The following CDC42BPB variants were observed in gnomAD, a reference collection of about 807,000 sequenced individuals.
CDC42BPB encodes the protein CDC42 binding protein kinase beta.
Under a neutral mutation model 214.9 loss-of-function variants are expected in CDC42BPB, and 37 were observed. That is an observed-to-expected ratio of 0.17 (90% CI 0.13 to 0.23). The LOEUF is 0.23. Among genes scored for constraint, CDC42BPB ranks in the 10% least tolerant of loss-of-function variants. The pLI is 1.00. For synonymous variants in CDC42BPB, 931 were observed against 884.0 expected (o/e 1.05, Z -0.94); for missense variants, 1,694 against 2,227.0 (o/e 0.76, Z 4.82).
intron 3 of CDC42BPB, 120 bp downstream of exon 3, chr14:103,008,352 T>TC: frequency 1.4e-6 from 1 of 708,246 alleles, no homozygotes; most frequent in Non-Finnish European, 2.6e-6. Flanking sequence ...GCTCGCTCTG[T>TC]CCGGGGGGCA....
chr14:102,950,337 A>C, intron 25 of CDC42BPB, 129 bp downstream of exon 25: 1 of 1,264,020 alleles, frequency 7.9e-7, no homozygotes, highest in Non-Finnish European at 1.1e-6. Context: ...CAGGAGGGTA[A>C]GCCCCCTAGG....
chr14:102,959,715 A>C lies in CDC42BPB; in HGVS notation c.2822-5T>G. The C allele has an allele frequency of 6.2e-7, 1 of 1,609,476 alleles. No homozygotes were observed. Among genetic ancestry groups the C allele is most frequent in the African/African-American group, 1.3e-5 (1 of 74,870 alleles). The stretch of plus-strand genomic sequence containing the variant: ...GAAAATCTGGAAGTTTGAGCCCTGC[A>C]AAAAGAAACAAAGAATAGTCAAGGC... On this transcript the variant is annotated splice_polypyrimidine_tract_variant and splice_region_variant and intron_variant, in intron 20 of 36. Transcript: ENST00000361246.
intron 5 of CDC42BPB, among the ~76,000 whole-genome samples, chr14:102,992,337 G>A (rs1357188268): frequency 6.6e-6 from 1 of 152,204 alleles, no homozygotes; most frequent in Non-Finnish European, 1.5e-5. Flanking sequence ...ACAGATAACA[G>A]TGATTTAAAG....
At chr14:103,028,778 C>T (rs1887188517) in intron 1 of CDC42BPB, among the ~76,000 whole-genome samples, 1 of 152,212 alleles carries the variant, frequency 6.6e-6, no homozygotes, top group African/African-American at 2.4e-5. Flanking sequence ...GCAATTCTCC[C>T]TTAATAGGGC....
chr14:103,000,523 C>T (rs906419031), intron 4 of CDC42BPB, among the ~76,000 whole-genome samples: 1 of 152,250 alleles, frequency 6.6e-6, no homozygotes, highest in Admixed American at 6.5e-5. Flanking sequence ...TGGCAGCCAA[C>T]ACCTCCATCT....
rs1026584282 is a variant in CDC42BPB at position 102,970,523 on chromosome 14, T to C, written c.1885-262A>G. 3 of 266,430 alleles carry C rather than the reference T, an allele frequency of 1.1e-5. 1 individual carries two copies. The highest frequency in any genetic ancestry group is 1.7e-5 in the Non-Finnish European group (3 of 172,700). The allele number at this position is 266,430 out of a possible 1,614,324, so 16.5% of individuals were successfully genotyped here. A position where few individuals can be genotyped will look rare whatever the true frequency, so the allele number is the denominator to read the frequency against. On this transcript the variant is annotated intron_variant, in intron 13 of 36. Transcript: ENST00000361246. ...AAGAAAGGATACATTTCTTGAAATT[T>C]AAATTTCACTGATTCGTGAAAACCA...
At chr14:103,049,797 T>A (rs1424192165) in intron 1 of CDC42BPB, among the ~76,000 whole-genome samples, 2 of 152,234 alleles carry the variant, frequency 1.3e-5, no homozygotes, top group Non-Finnish European at 2.9e-5. Context: ...CACTGCAACC[T>A]CCGCCTCCCG....
At chr14:103,002,251 A>C (rs1895022636) in intron 4 of CDC42BPB, among the ~76,000 whole-genome samples, 1 of 152,142 alleles carries the variant, frequency 6.6e-6, no homozygotes, top group Non-Finnish European at 1.5e-5. Flanking sequence ...GCACCGCAGA[A>C]GCCGGCCCCG....
rs1285489987 is a variant in CDC42BPB at position 103,057,084 on chromosome 14, C to T, written c.90G>A (p.Leu30=). The T allele has an allele frequency of 2.0e-6, 3 of 1,525,452 alleles. No individual in the cohort carries two copies. The highest frequency in any genetic ancestry group is 2.6e-6 in the Non-Finnish European group (3 of 1,141,284). The allele number at this position is 1,525,452 out of a possible 1,614,324, so 94.5% of individuals were successfully genotyped here. A position where few individuals can be genotyped will look rare whatever the true frequency, so the allele number is the denominator to read the frequency against. The change falls in exon 1 of 37, where the codon CTG becomes CTA. Residue 30 remains leucine (L), a synonymous_variant. Transcript: ENST00000361246. ...TGTACAGGCAGACGAGCACGTCGAG[C>T]AGCGTTTCCACGCTCAGGGCGCTCT... is the stretch of plus-strand genomic sequence containing the variant. ...RNESALSVET[L]LDVLVCLYTE...
intron 21 of CDC42BPB, 38 bp from the exon 22 acceptor site, chr14:102,954,726 C>T (rs1892641128): frequency 1.3e-6 from 2 of 1,587,402 alleles, no homozygotes; most frequent in African/African-American, 1.3e-5. Context: ...GGTGAAAGGA[C>T]ATATTCTACA....
At chr14:102,977,240 G>A (rs1158001227) in intron 9 of CDC42BPB, among the ~76,000 whole-genome samples, 5 of 151,574 alleles carry the variant, frequency 3.3e-5, no homozygotes, top group African/African-American at 1.2e-4. Flanking sequence ...TCAGGAGGCT[G>A]CGGCAGGGGA....
intron 30 of CDC42BPB, chr14:102,941,183 C>G (rs2139350648): frequency 1.0e-6 from 1 of 985,468 alleles, no homozygotes. Context: ...AGCTTGGCTC[C>G]TGGCCATCAG....
At chr14:103,056,903 G>T (rs1203981277) in intron 1 of CDC42BPB, 96 bp downstream of exon 1, 2 of 885,562 alleles carry the variant, frequency 2.3e-6, no homozygotes, top group East Asian at 3.4e-5. Context: ...AGGGCGGCAG[G>T]GTCTGTCCGG....
intron 5 of CDC42BPB, among the ~76,000 whole-genome samples, chr14:102,989,515 GACT>G (rs1387425898): frequency 6.6e-6 from 1 of 152,214 alleles, no homozygotes; most frequent in African/African-American, 2.4e-5. Context: ...ACTCTTAGGA[GACT>G]ACTTGAATAA....
rs965249502 is a variant in CDC42BPB, at chr14:102,943,193, T to C, written c.4408+698A>G. ...TATTTAGTAGAGATGAGGCTGGTATTGAACTTCTGAGCTCAAGTGAGCCTC... is the reference window on the plus strand; with the variant it reads ...TATTTAGTAGAGATGAGGCTGGTATCGAACTTCTGAGCTCAAGTGAGCCTC... On this transcript the variant is annotated intron_variant, in intron 30 of 36. Coordinates refer to ENST00000361246, the MANE Select transcript of CDC42BPB (RefSeq NM_006035.4). This position sits in a 1 kb window ranked among gnomAD's most constrained non-coding sequence, Gnocchi z 4.6. Among the ~76,000 whole-genome samples the C allele has an allele frequency of 7.9e-5, 12 of 152,064 alleles. No homozygotes were observed. Among genetic ancestry groups the C allele is most frequent in the Non-Finnish European group, 1.6e-4 (11 of 68,016 alleles).
At chr14:102,949,685 C>A in intron 26 of CDC42BPB, 80 bp downstream of exon 26, 1 of 1,571,122 alleles carries the variant, frequency 6.4e-7, no homozygotes, top group Non-Finnish European at 8.7e-7. Context: ...TGAAAGACTA[C>A]TAAGGAACAC....
At position 102,971,915 on chromosome 14, in the gene CDC42BPB, C is replaced by G. The variant is rs752996148; in HGVS notation, c.1884+4G>C. ...TACCATCCCTGAACCATCTCCACAG[C>G]TACCTCTTTCCTGAGCTTCTCAGCT... On this transcript the variant is annotated splice_donor_region_variant and intron_variant, in intron 13 of 36. Transcript: ENST00000361246. The G allele has an allele frequency of 6.2e-7, 1 of 1,613,826 alleles. No individual in the cohort carries two copies. The highest frequency in any genetic ancestry group is 1.7e-5 in the Admixed American group (1 of 60,028).
At chr14:102,991,388 T>C (rs944089594) in intron 5 of CDC42BPB, among the ~76,000 whole-genome samples, 5 of 152,162 alleles carry the variant, frequency 3.3e-5, no homozygotes, top group African/African-American at 1.2e-4. Flanking sequence ...CATGCCAATG[T>C]CACAACAAAG....
chr14:102,985,723 T>C (rs945998301), intron 6 of CDC42BPB, among the ~76,000 whole-genome samples: 1 of 152,264 alleles, frequency 6.6e-6, no homozygotes, highest in Non-Finnish European at 1.5e-5. Flanking sequence ...TATTTGATGT[T>C]AGACCTTATG....
Sources: allele counts gnomAD v4.1 joint callset (sites outside exome capture counted in the v4.1 genomes callset), GRCh38; gene constraint gnomAD v4.1.1; non-coding constraint Gnocchi (gnomAD v3.1); transcripts MANE v1.5; gene names NCBI Gene and HGNC (gene_info 2026-07-23, HGNC 2026-07-21).